The following DLC1 variants were observed in gnomAD, a reference collection of about 807,000 sequenced individuals.
DLC1 encodes the protein rho GTPase-activating protein 7.
A neutral mutation model predicts 140.3 loss-of-function variants in DLC1; 54 were observed. The observed-to-expected ratio is 0.38, with a 90% CI of 0.31 to 0.48. The LOEUF is 0.48. Among genes scored for constraint, DLC1 ranks in the 20% least tolerant of loss-of-function variants. DLC1 has a pLI of 0.96. For missense variants in DLC1, 2,536 were observed against 1,907.0 expected (o/e 1.33, Z -6.14); for synonymous variants, 986 against 728.1 (o/e 1.35, Z -5.70).
Position 13,499,803 on chromosome 8 carries a change from C to T in DLC1, c.269G>A (p.Ser90Asn), listed in dbSNP as rs1388717236. ...AAGAAACTGATCTTCACCTTCATGG[C>T]TGTCATTTTCGTCCACATCCTTTGA... ...HLSKDVDEND[S>N]HEGEDQFLSL... is the part of the protein sequence containing the mutation. Residue 90 changes from serine to asparagine, a missense_variant, in exon 2 of 18, where the codon AGC becomes AAC. Physicochemically the swap from Ser to Asn is conservative, Grantham distance 46. Coordinates refer to ENST00000276297, the MANE Select transcript of DLC1 (RefSeq NM_182643.3). The T allele has an allele frequency of 1.2e-6, 2 of 1,613,946 alleles. No individual in the cohort carries two copies. The highest frequency in any genetic ancestry group is 2.7e-5 in the African/African-American group (2 of 74,938).
chr8:13,225,412 T>A (rs1828748726), intron 5 of DLC1, among the ~76,000 whole-genome samples: 2 of 152,034 alleles, frequency 1.3e-5, no homozygotes, highest in Non-Finnish European at 2.9e-5. Context: ...GGAGGGCAAA[T>A]ATCTCATTCA....
In DLC1 at chr8:13,551,075, C is replaced by CACACACACACACACT. The variant is rs71207163; in HGVS notation, c.-125-50880_-125-50879insAGTGTGTGTGTGTGT. On this transcript the variant is annotated intron_variant, in intron 1 of 1. Transcript: ENST00000631382. Reference sequence around the variant, plus strand: ...ACACACACACACACACACACACACACTTTTTTTTTTTTTCCAAAGAACACT... The same window carrying CACACACACACACACT: ...ACACACACACACACACACACACACACACACACACACACACTTTTTTTTTTTTTTCCAAAGAACACT... Among the ~76,000 whole-genome samples the CACACACACACACACT allele has an allele frequency of 2.4e-3, 289 of 121,668 alleles. 3 individuals are homozygous for CACACACACACACACT. The highest frequency in any genetic ancestry group is 7.8e-3 in the African/African-American group (255 of 32,830). 79.8% of individuals were successfully genotyped at this position (121,668 alleles called of 152,430 possible).
At chr8:13,383,733 C>G (rs141086073) in intron 4 of DLC1, among the ~76,000 whole-genome samples, 14 of 152,240 alleles carry the variant, frequency 9.2e-5, no homozygotes, top group African/African-American at 2.9e-4. Context: ...TCAGGTGCCA[C>G]CACATGAGAA....
chr8:13,335,667 T>G (rs1343526007), intron 4 of DLC1, among the ~76,000 whole-genome samples: 1 of 151,310 alleles, frequency 6.6e-6, no homozygotes, highest in Non-Finnish European at 1.5e-5. Flanking sequence ...CTCCAAGAAG[T>G]GTAGGATAAT....
chr8:13,523,759 AGGAGAG>A (rs1802830832), intron 1 of DLC1, among the ~76,000 whole-genome samples: 1 of 152,204 alleles, frequency 6.6e-6, no homozygotes, highest in Non-Finnish European at 1.5e-5. Flanking sequence ...ACACAAATAA[AGGAGAG>A]AAAATACATG....
chr8:13,574,550 C>T (rs886204965), intron 1 of DLC1, among the ~76,000 whole-genome samples: 11 of 152,028 alleles, frequency 7.2e-5, no homozygotes, highest in Non-Finnish European at 1.3e-4. Context: ...GTTGCCACAA[C>T]ACTAAAAATG....
chr8:13,169,746 G>A (rs2116919342), intron 5 of DLC1, among the ~76,000 whole-genome samples: 1 of 152,286 alleles, frequency 6.6e-6, no homozygotes, highest in East Asian at 1.9e-4. Flanking sequence ...AAGAGAGCCT[G>A]AGCCCAGTGG....
intron 5 of DLC1, among the ~76,000 whole-genome samples, chr8:13,187,927 T>C (rs1826480719): frequency 6.6e-6 from 1 of 152,142 alleles, no homozygotes; most frequent in Non-Finnish European, 1.5e-5. Context: ...GACAGACATA[T>C]AAGGTAATTT....
At chr8:13,573,164 T>G (rs1002407635) in intron 1 of DLC1, among the ~76,000 whole-genome samples, 1 of 152,252 alleles carries the variant, frequency 6.6e-6, no homozygotes, top group Non-Finnish European at 1.5e-5. Context: ...ATCTTTACCA[T>G]GTAAGTTTTG....
At chr8:13,551,693 G>T (rs568961925) in intron 1 of DLC1, among the ~76,000 whole-genome samples, 1 of 151,684 alleles carries the variant, frequency 6.6e-6, no homozygotes, top group South Asian at 2.1e-4. Context: ...AAAAACTTTT[G>T]GCAAGGCAAA....
chr8:13,442,384 C>T (rs1334915958), intron 2 of DLC1, among the ~76,000 whole-genome samples: 2 of 152,136 alleles, frequency 1.3e-5, no homozygotes, highest in Non-Finnish European at 2.9e-5. Flanking sequence ...AGCTTCTGCA[C>T]AGCAAAAGAA....
intron 2 of DLC1, among the ~76,000 whole-genome samples, chr8:13,459,040 C>T (rs1799539434): frequency 6.6e-6 from 1 of 152,112 alleles, no homozygotes; most frequent in African/African-American, 2.4e-5. Context: ...TTTCTTGCAT[C>T]CAGCTAATGA....
At chr8:13,567,516 A>G in intron 1 of DLC1, 1 of 1,551,984 alleles carries the variant, frequency 6.4e-7, no homozygotes, top group East Asian at 2.4e-5. Context: ...TTTTGAACAG[A>G]ATCTACTTTA....
rs1818700126 is a variant in DLC1, at chr8:13,098,499, G to T, written c.3067C>A (p.Gln1023Lys). 6.2e-7 allele frequency: 1 copy of T among 1,614,236 alleles called. No homozygotes were observed. The highest frequency in any genetic ancestry group is 1.3e-5 in the African/African-American group (1 of 75,058). The part of the protein sequence containing the change: ...LNSVSLQINC[Q>K]SVAQMNLLQK... ...AGCAGGTTCATCTGGGCCACAGACT[G>T]GCAGTTAATCTGTAGTGATACAGAG... Residue 1023 changes from glutamine to lysine, a missense_variant, in exon 10 of 18, where the codon CAG becomes AAG. Transcript: ENST00000276297.
At chr8:13,141,868 C>T (rs1585752003) in intron 5 of DLC1, among the ~76,000 whole-genome samples, 1 of 152,082 alleles carries the variant, frequency 6.6e-6, no homozygotes. Context: ...ACGAATTACA[C>T]ATTTTAAAAA....
chr8:13,526,643 A>T (rs900333423), intron 1 of DLC1, among the ~76,000 whole-genome samples: 2 of 152,172 alleles, frequency 1.3e-5, no homozygotes, highest in African/African-American at 4.8e-5. Context: ...GAAGCTGGAA[A>T]ACATCATTCT....
At chr8:13,341,766 A>G (rs1834065183) in intron 4 of DLC1, 1 of 152,226 alleles carries the variant, frequency 6.6e-6, no homozygotes, top group African/African-American at 2.4e-5. Flanking sequence ...CAGCTCTTAG[A>G]TTGGTGCCCC....
At chr8:13,272,605 T>A (rs1302516625) in intron 5 of DLC1, among the ~76,000 whole-genome samples, 4 of 152,162 alleles carry the variant, frequency 2.6e-5, no homozygotes, top group Non-Finnish European at 5.9e-5. Context: ...CTCATGCCTG[T>A]AATCCCAGCA....
chr8:13,201,076 T>G (rs73558304), intron 5 of DLC1, among the ~76,000 whole-genome samples: 1 of 152,298 alleles, frequency 6.6e-6, no homozygotes, highest in African/African-American at 2.4e-5. Context: ...TTTTGGACTT[T>G]TGTCTCCTTC....
Sources: allele counts gnomAD v4.1 joint callset (sites outside exome capture counted in the v4.1 genomes callset), GRCh38; gene constraint gnomAD v4.1.1; transcripts MANE v1.5; gene names NCBI Gene and HGNC (gene_info 2026-07-23, HGNC 2026-07-21).